Variants in CDKN2B-AS1 observed in about 807,000 individuals in gnomAD.
The protein encoded by CDKN2B-AS1 is CDKN2B and CDKN2A antisense cis and trans regulatory RNA 1.
intron 4 of CDKN2B-AS1, among the ~76,000 whole-genome samples, chr9:22,084,187 T>C (rs1366864994): frequency 6.6e-6 from 1 of 152,160 alleles, no homozygotes; most frequent in Non-Finnish European, 1.5e-5. Context: ...CCCAAGGTAA[T>C]ATAGTCAAAT....
intron 1 of CDKN2B-AS1, among the ~76,000 whole-genome samples, chr9:22,015,354 T>C (rs1046550461): frequency 6.6e-6 from 1 of 152,218 alleles, no homozygotes; most frequent in Non-Finnish European, 1.5e-5. Flanking sequence ...TTTAGTCAGT[T>C]CTACACTGTC....
chr9:22,072,939 A>T (rs1475731819), intron 4 of CDKN2B-AS1, among the ~76,000 whole-genome samples: 1 of 152,224 alleles, frequency 6.6e-6, no homozygotes, highest in Non-Finnish European at 1.5e-5. Flanking sequence ...AAAGGAGATA[A>T]GTATGAAAGC....
chr9:22,108,425 G>A (rs1180449189), intron 4 of CDKN2B-AS1, among the ~76,000 whole-genome samples: 5 of 152,272 alleles, frequency 3.3e-5, no homozygotes, highest in African/African-American at 7.2e-5. Flanking sequence ...CACGTTCAGG[G>A]TGGTATGGCC....
chr9:22,035,870 A>T (rs1387118069), intron 1 of CDKN2B-AS1, among the ~76,000 whole-genome samples: 1 of 152,154 alleles, frequency 6.6e-6, no homozygotes, highest in Non-Finnish European at 1.5e-5. Flanking sequence ...GTAGACATGT[A>T]CTGAATTAAA....
Position 22,005,949 on chromosome 9 carries a change from G to A in CDKN2B-AS1, n.29+10788G>A, listed in dbSNP as rs1821152225. Reference sequence around the variant, plus strand: ...TGGGTGGGGGTGGGAAATTGGGTAAGAAAATAAAGTCGTTGTGGGCGGCTG... The same window carrying A: ...TGGGTGGGGGTGGGAAATTGGGTAAAAAAATAAAGTCGTTGTGGGCGGCTG... On this transcript the variant is annotated intron_variant and non_coding_transcript_variant, in intron 1 of 4. Coordinates refer to ENST00000650946, the Ensembl canonical transcript of CDKN2B-AS1. This position sits in a 1 kb window ranked among gnomAD's most constrained non-coding sequence, Gnocchi z 4.9. 2 of 1,597,218 alleles carry A rather than the reference G, an allele frequency of 1.3e-6. No homozygotes were observed. Among genetic ancestry groups the A allele is most frequent in the Admixed American group, 1.7e-5 (1 of 59,844 alleles).
At chr9:22,091,587 G>C (rs371203169) in intron 4 of CDKN2B-AS1, among the ~76,000 whole-genome samples, 10 of 152,186 alleles carry the variant, frequency 6.6e-5, no homozygotes, top group East Asian at 5.8e-4. Flanking sequence ...CTCTTTGAAG[G>C]AATTGTGAAT....
intron 4 of CDKN2B-AS1, among the ~76,000 whole-genome samples, chr9:22,114,823 TC>T (rs1223199053): frequency 6.6e-6 from 1 of 152,220 alleles, no homozygotes; most frequent in Non-Finnish European, 1.5e-5. Context: ...GAGATAATGG[TC>T]TTTTCTTTCC....
At chr9:22,109,691 A>G (rs1825753902) in intron 4 of CDKN2B-AS1, among the ~76,000 whole-genome samples, 1 of 152,298 alleles carries the variant, frequency 6.6e-6, no homozygotes, top group East Asian at 1.9e-4. Context: ...TCTGCCATTT[A>G]GTATTAGCTG....
At chr9:22,076,796 A>G (rs10757271) in intron 4 of CDKN2B-AS1, among the ~76,000 whole-genome samples, 96,343 of 152,102 alleles carry the variant, frequency 0.63, 33,024 homozygotes, top group African/African-American at 0.9. Context: ...AGGCTCAAGC[A>G]ATCCTCTCAC....
intron 1 of CDKN2B-AS1, among the ~76,000 whole-genome samples, chr9:22,040,759 A>G (rs1822865170): frequency 6.6e-6 from 1 of 152,070 alleles, no homozygotes; most frequent in Non-Finnish European, 1.5e-5. Flanking sequence ...ACATGAATAC[A>G]GAGATACACA....
chr9:22,086,296 T>C (rs2131335985), intron 4 of CDKN2B-AS1, among the ~76,000 whole-genome samples: 1 of 152,318 alleles, frequency 6.6e-6, no homozygotes, highest in African/African-American at 2.4e-5. Flanking sequence ...TCTGCTCCTT[T>C]TGGAGTAGAG....
chr9:22,047,570 T>G (rs889377756), intron 2 of CDKN2B-AS1, among the ~76,000 whole-genome samples: 3 of 152,174 alleles, frequency 2.0e-5, no homozygotes, highest in Admixed American at 1.3e-4. Context: ...CTGAAATATA[T>G]TAGTTATTAT....
exon 5 of CDKN2B-AS1, among the ~76,000 whole-genome samples, chr9:22,127,334 C>T (rs1247151310): frequency 6.6e-6 from 1 of 152,168 alleles, no homozygotes; most frequent in African/African-American, 2.4e-5. Flanking sequence ...CCTGCCTTCG[C>T]CTCCCAAAGT....
chr9:22,009,466 G>T (rs1587390225), intron 1 of CDKN2B-AS1: 2 of 266,634 alleles, frequency 7.5e-6, no homozygotes, highest in East Asian at 1.3e-4. Context: ...ATGCTAGGAC[G>T]CATGCGCCAG....
chr9:22,126,357 T>C (rs1191387732), intron 4 of CDKN2B-AS1, among the ~76,000 whole-genome samples: 2 of 152,144 alleles, frequency 1.3e-5, no homozygotes, highest in Non-Finnish European at 2.9e-5. Flanking sequence ...AGAAAATAAT[T>C]TTTTATTATA....
chr9:22,009,249 C>T, intron 1 of CDKN2B-AS1: 2 of 550,148 alleles, frequency 3.6e-6, no homozygotes, highest in East Asian at 6.3e-5. Flanking sequence ...GCCGCTCTGG[C>T]CGCAGGGTGC....
intron 4 of CDKN2B-AS1, among the ~76,000 whole-genome samples, chr9:22,069,581 G>C (rs7042970): frequency 1.3e-5 from 2 of 151,982 alleles, no homozygotes; most frequent in African/African-American, 4.8e-5. Context: ...TTGATGGTTC[G>C]ATACATTTTT....
intron 4 of CDKN2B-AS1, among the ~76,000 whole-genome samples, chr9:22,081,732 T>C (rs536101041): frequency 2.0e-5 from 3 of 152,242 alleles, no homozygotes; most frequent in African/African-American, 4.8e-5. Flanking sequence ...TCTCTGACAC[T>C]TTTCCCTCTG....
At position 22,006,153 on chromosome 9, in the gene CDKN2B-AS1, A is replaced by C. The variant is rs762447471; in HGVS notation, n.29+10992A>C. 6.2e-7 allele frequency: 1 copy of C among 1,611,636 alleles called. No homozygotes were observed. The highest frequency in any genetic ancestry group is 1.3e-5 in the African/African-American group (1 of 75,038). Reference sequence around the variant, plus strand: ...GAAGCCCTCCCGGGCAGCATCATGCACCGGTCGGGTGAGAGTGGCAGGGTC... The same window carrying C: ...GAAGCCCTCCCGGGCAGCATCATGCCCCGGTCGGGTGAGAGTGGCAGGGTC... On this transcript the variant is annotated intron_variant and non_coding_transcript_variant, in intron 1 of 4. Transcript: ENST00000650946. This position sits in a 1 kb window ranked among gnomAD's most constrained non-coding sequence, Gnocchi z 6.4.
Sources: gnomAD v4.1 joint callset for allele counts (sites outside exome capture counted in the v4.1 genomes callset) on GRCh38, gnomAD v4.1.1 for gene constraint, Gnocchi (gnomAD v3.1) non-coding constraint, MANE v1.5 for transcripts, NCBI Gene and HGNC (gene_info 2026-07-23, HGNC 2026-07-21) for gene names.